Variants in SIN3A observed in about 807,000 individuals in gnomAD.
SIN3A encodes the protein paired amphipathic helix protein Sin3a.
SIN3A carries 14 observed loss-of-function variants against 146.1 expected under a neutral mutation model. That is an observed-to-expected ratio of 0.10 (90% CI 0.06 to 0.15). The LOEUF (loss-of-function observed/expected upper bound fraction) is 0.15. SIN3A is among the 10% of genes least tolerant of loss of function. SIN3A has a pLI of 1.00. For missense variants in SIN3A, 1,028 were observed against 1,576.0 expected, an observed-to-expected ratio of 0.65 and a Z score of 5.89; for synonymous variants, 572 against 572.0, an observed-to-expected ratio of 1.00 and a Z score of 0.00.
At chr15:75,447,828 G>C (rs763979433) in intron 1 of SIN3A, 1 of 152,092 alleles carries the variant, frequency 6.6e-6, no homozygotes, top group East Asian at 1.9e-4. Flanking sequence ...GACAAAAAGT[G>C]GGTAGGGAAA....
intron 1 of SIN3A, among the ~76,000 whole-genome samples, chr15:75,435,451 A>G (rs2074090175): frequency 6.6e-6 from 1 of 152,156 alleles, no homozygotes. Context: ...TAATCCCAGC[A>G]CTTTGGGAGG....
In SIN3A at chr15:75,401,954, C is replaced by T. The variant is rs1328986575; in HGVS notation, c.1424G>A (p.Arg475Gln). 9 of 1,611,724 alleles carry T rather than the reference C, an allele frequency of 5.6e-6. No homozygotes were observed. The highest frequency in any genetic ancestry group is 7.6e-6 in the Non-Finnish European group (9 of 1,178,004). Residue 475 changes from arginine (R) to glutamine (Q), a missense_variant, in exon 10 of 21, where the codon CGG becomes CAG. Physicochemically the swap from Arg to Gln is conservative, Grantham distance 43. This residue lies in a region of SIN3A where 157 missense variants were observed against 284.8 expected (regional missense o/e 0.55). Transcript: ENST00000394947. ...GAAATTTTCGTAGGCTTCTGCACTC[C>T]GAAGAGCCTTTCGGACCTTATGGAG... The part of the protein sequence containing the change: ...LFFDKVRKAL[R>Q]SAEAYENFLR...
At chr15:75,401,561 T>TA (rs917184607) in intron 10 of SIN3A, among the ~76,000 whole-genome samples, 18 of 152,080 alleles carry the variant, frequency 1.2e-4, no homozygotes, top group African/African-American at 3.9e-4. Flanking sequence ...TAATAATTTT[T>TA]AAAAAAATTC....
In SIN3A at chr15:75,392,165, A is replaced by C. The variant is rs991015111; in HGVS notation, c.2851+77T>G. The C allele has an allele frequency of 4.1e-5, 51 of 1,258,160 alleles. No individual in the cohort carries two copies. The East Asian group carries it at 5.6e-4, about 14-fold the overall frequency. 77.9% of individuals were successfully genotyped at this position (1,258,160 alleles called of 1,614,324 possible). ...AATGCCTGTGCTCTATTAATAAAAGAAGCAGTCCCAAGTCTAGGTGGCTCT... is the reference window on the plus strand; with the variant it reads ...AATGCCTGTGCTCTATTAATAAAAGCAGCAGTCCCAAGTCTAGGTGGCTCT... On this transcript the variant is annotated intron_variant, in intron 15 of 20. Transcript: ENST00000394947.
At chr15:75,455,459 G>A (rs1260295960), upstream of SIN3A, among the ~76,000 whole-genome samples, 2 of 152,240 alleles carry the variant, frequency 1.3e-5, no homozygotes, top group East Asian at 3.9e-4. Context: ...CCAGTCCGCC[G>A]CCAAAACCTA....
At chr15:75,433,091 T>C (rs1015582964) in intron 1 of SIN3A, among the ~76,000 whole-genome samples, 1 of 152,072 alleles carries the variant, frequency 6.6e-6, no homozygotes, top group African/African-American at 2.4e-5. Flanking sequence ...AAATCAGATG[T>C]GAAGAGCACG....
rs191402256 is a variant in SIN3A, at chr15:75,382,429, A to G, written c.3196-724T>C. ...TTTAAGAATTGCAAAATCTGTCTCC[A>G]GTATTCATAACAGGATGTCATTAAC... On this transcript the variant is annotated intron_variant, in intron 17 of 20. Transcript: ENST00000394947. 1.3e-5 allele frequency among the ~76,000 whole-genome samples: 2 copies of G among 152,348 alleles called. 1 individual carries two copies. Among genetic ancestry groups the G allele is most frequent in the Admixed American group, 1.3e-4 (2 of 15,304 alleles).
intron 1 of SIN3A, among the ~76,000 whole-genome samples, chr15:75,432,406 G>A (rs1047156976): frequency 1.3e-5 from 2 of 152,136 alleles, no homozygotes; most frequent in Non-Finnish European, 2.9e-5. Context: ...TACTTTATTG[G>A]CCGGATGCAG....
intron 2 of SIN3A, among the ~76,000 whole-genome samples, chr15:75,428,292 T>C (rs924097369): frequency 1.3e-4 from 20 of 152,154 alleles, no homozygotes; most frequent in African/African-American, 3.1e-4. Flanking sequence ...CCAACGATGG[T>C]AGACCCTTGA....
intron 1 of SIN3A, among the ~76,000 whole-genome samples, chr15:75,437,459 G>A (rs571718988): frequency 4.5e-4 from 68 of 152,242 alleles, no homozygotes; most frequent in Non-Finnish European, 1.9e-4. Context: ...GAGCCACTGC[G>A]CCCAGCCAGA....
At chr15:75,401,737 T>C (rs1243895201) in intron 10 of SIN3A, 115 bp downstream of exon 10, 1 of 665,370 alleles carries the variant, frequency 1.5e-6, no homozygotes, top group Non-Finnish European at 2.7e-6. Context: ...CACTAACATT[T>C]GAGTCAACTG....
chr15:75,417,480 A>T (rs181446339), intron 3 of SIN3A, among the ~76,000 whole-genome samples: 11 of 151,222 alleles, frequency 7.3e-5, no homozygotes, highest in African/African-American at 2.4e-4. Flanking sequence ...GGTTCAAGTG[A>T]TATCTCCTGC....
chr15:75,418,679 C>T (rs1595912438), intron 3 of SIN3A, among the ~76,000 whole-genome samples: 1 of 152,006 alleles, frequency 6.6e-6, no homozygotes, highest in African/African-American at 2.4e-5. Flanking sequence ...GAGAAATAAA[C>T]TGCTATTATT....
chr15:75,432,974 G>A (rs1450717935), intron 1 of SIN3A, among the ~76,000 whole-genome samples: 1 of 152,010 alleles, frequency 6.6e-6, no homozygotes. Flanking sequence ...CCTGGGAGGC[G>A]GAGGTTGCAG....
At chr15:75,418,470 T>C (rs534561073) in intron 3 of SIN3A, among the ~76,000 whole-genome samples, 38 of 151,762 alleles carry the variant, frequency 2.5e-4, no homozygotes, top group African/African-American at 8.9e-4. Flanking sequence ...GGATTACAGG[T>C]GCATGCCATC....
At position 75,392,306 on chromosome 15, in the gene SIN3A, T is replaced by G; in HGVS notation, c.2787A>C (p.Glu929Asp). The stretch of plus-strand genomic sequence containing the variant: ...TCTTGTCTCGCTTTATGCCCAGCAC[T>G]TCCCGTTCCCATTCTCTCTCTCGGT... ...EENREREWER[E>D]VLGIKRDKSD... The change falls in exon 15 of 21, where the codon GAA becomes GAC. Residue 929 changes from glutamate (E) to aspartate (D), a missense_variant. Physicochemically the swap from Glu to Asp is conservative, Grantham distance 45. Coordinates refer to ENST00000394947, the MANE Select transcript of SIN3A (RefSeq NM_001145358.2). 1 of 1,614,212 alleles carries G rather than the reference T, an allele frequency of 6.2e-7. No homozygotes were observed. The highest frequency in any genetic ancestry group is 8.5e-7 in the Non-Finnish European group (1 of 1,180,040).
intron 3 of SIN3A, among the ~76,000 whole-genome samples, chr15:75,416,766 C>G (rs2073745074): frequency 6.6e-6 from 1 of 152,218 alleles, no homozygotes; most frequent in African/African-American, 2.4e-5. Flanking sequence ...CCTGTTGGGA[C>G]CTAACCCCCA....
At position 75,450,456 on chromosome 15, in the gene SIN3A, C is replaced by T. The variant is rs1432762484; in HGVS notation, c.-34+967G>A. Among the ~76,000 whole-genome samples the T allele has an allele frequency of 2.6e-5, 4 of 152,206 alleles. No homozygotes were observed. The East Asian group carries it at 7.7e-4, about 29-fold the overall frequency. ...GTTTTCCCTCCGCCACATTTCTAGT[C>T]TCTGATGACTCCCTGCCCCTCCCCT... On this transcript the variant is annotated intron_variant, in intron 1 of 20. Coordinates refer to ENST00000394947, the MANE Select transcript of SIN3A (RefSeq NM_001145358.2).
Position 75,381,680 on chromosome 15 carries a change from T to C in SIN3A, c.3221A>G (p.Gln1074Arg), listed in dbSNP as rs758170764. 6.2e-7 allele frequency: 1 copy of C among 1,613,962 alleles called. No individual in the cohort carries two copies. Among genetic ancestry groups the C allele is most frequent in the Non-Finnish European group, 8.5e-7 (1 of 1,179,888 alleles). ...FKLMFIQSQGQVQLTIELLDT... is the reference protein window; with the variant it reads ...FKLMFIQSQGRVQLTIELLDT... ...CAGAAGCTCAATAGTCAGCTGGACC[T>C]GGCCTTGGCTCTGAATAAACATAAG... The change falls in exon 18 of 21, where the codon CAG becomes CGG. Residue 1074 changes from glutamine to arginine, a missense_variant. Gln to Arg is a conservative substitution (Grantham distance 43). Coordinates refer to ENST00000394947, the MANE Select transcript of SIN3A (RefSeq NM_001145358.2).
Sources: gnomAD v4.1 joint callset for allele counts (sites outside exome capture counted in the v4.1 genomes callset) on GRCh38, gnomAD v4.1.1 for gene constraint, gnomAD v4.1.1 regional missense constraint, MANE v1.5 for transcripts, NCBI Gene and HGNC (gene_info 2026-07-23, HGNC 2026-07-21) for gene names.